Variants in TNFRSF11A observed in about 807,000 individuals in gnomAD.
TNFRSF11A encodes the protein tumor necrosis factor receptor superfamily member 11A.
Under a neutral mutation model 55.7 loss-of-function variants are expected in TNFRSF11A, and 32 were observed. That is an observed-to-expected ratio of 0.57 (90% confidence interval 0.43 to 0.77). The LOEUF (loss-of-function observed/expected upper bound fraction) is 0.77, where lower values mean the gene tolerates loss of function less well. TNFRSF11A is among the 30% of genes least tolerant of loss of function. The pLI is 0.00. For missense variants in TNFRSF11A, 753 were observed against 809.8 expected (o/e 0.93, Z 0.85); for synonymous variants, 311 against 331.0 (o/e 0.94, Z 0.65).
intron 9 of TNFRSF11A, among the ~76,000 whole-genome samples, chr18:62,380,471 CT>C: frequency 7.0e-6 from 1 of 143,468 alleles, no homozygotes; most frequent in African/African-American, 2.6e-5. Flanking sequence ...GAGTCTCACT[CT>C]GTCGCCCAGG....
intron 6 of TNFRSF11A, among the ~76,000 whole-genome samples, 177 bp downstream of exon 6, chr18:62,360,226 C>T (rs1331426985): frequency 1.3e-5 from 2 of 151,994 alleles, no homozygotes; most frequent in African/African-American, 4.8e-5. Context: ...TATGTTGTTT[C>T]CTTGATAATT....
intron 1 of TNFRSF11A, among the ~76,000 whole-genome samples, chr18:62,338,306 T>C (rs1231865552): frequency 1.3e-5 from 2 of 152,200 alleles, no homozygotes; most frequent in African/African-American, 4.8e-5. Context: ...TAGAATTAAC[T>C]TAGGATTCCT....
At chr18:62,336,679 T>C (rs966784675) in intron 1 of TNFRSF11A, 1 of 152,124 alleles carries the variant, frequency 6.6e-6, no homozygotes, top group African/African-American at 2.4e-5. Context: ...GAAATAGGGG[T>C]GCATCGTAAC....
intron 3 of TNFRSF11A, among the ~76,000 whole-genome samples, chr18:62,350,298 T>A (rs535318185): frequency 2.8e-4 from 42 of 152,318 alleles, no homozygotes; most frequent in African/African-American, 6.3e-4. Context: ...TTATTTATTT[T>A]TTTAATTTAT....
chr18:62,354,364 C>G (rs1396804040), intron 3 of TNFRSF11A, 27 bp from the exon 4 acceptor site: 1 of 1,547,456 alleles, frequency 6.5e-7, no homozygotes, highest in Non-Finnish European at 8.7e-7. Context: ...CCTCCCTGGC[C>G]ACTGACCTGT....
At chr18:62,372,697 T>C (rs1247527924) in intron 9 of TNFRSF11A, among the ~76,000 whole-genome samples, 11 of 152,214 alleles carry the variant, frequency 7.2e-5, no homozygotes, top group Admixed American at 6.5e-4. Flanking sequence ...GTGTCTATTG[T>C]TGCCTTCTTT....
rs578032573 is a variant in TNFRSF11A at position 62,390,706 on chromosome 18, T to C, written c.*5672T>C. 8.5e-5 allele frequency: 13 copies of C among 152,342 alleles called. No homozygotes were observed. Among genetic ancestry groups the C allele is most frequent in the African/African-American group, 3.1e-4 (13 of 41,598 alleles). 9.4% of individuals were successfully genotyped at this position (152,342 alleles called of 1,614,324 possible). A position where few individuals can be genotyped will look rare whatever the true frequency, so the allele number is the denominator to read the frequency against. Reference sequence around the variant, plus strand: ...GCAGCAGCAGTAAAACATCTTACCCTAAAATGAAGAAGCAAATCCATTTTT... The same window carrying C: ...GCAGCAGCAGTAAAACATCTTACCCCAAAATGAAGAAGCAAATCCATTTTT... On this transcript the variant is annotated 3_prime_UTR_variant, in exon 10 of 10. Transcript: ENST00000586569.
rs371734407 is a variant in TNFRSF11A, at chr18:62,342,401, C to CAAAAAAAAAAAAAAAAAAAAAAAA, written c.76-5766_76-5743dup. On this transcript the variant is annotated intron_variant, in intron 1 of 9. Transcript: ENST00000586569. ...TGGGTGACAGAGTGAGATTCTGTCTCAAAAAAAAAAAAAAAAAAAAAAAAT... is the reference window on the plus strand; with the variant it reads ...TGGGTGACAGAGTGAGATTCTGTCTCAAAAAAAAAAAAAAAAAAAAAAAAAAAAAAAAAAAAAAAAAAAAAAAAT... Among the ~76,000 whole-genome samples, 15 of 62,230 alleles carry CAAAAAAAAAAAAAAAAAAAAAAAA rather than the reference C, an allele frequency of 2.4e-4. 1 individual carries two copies. Among genetic ancestry groups the CAAAAAAAAAAAAAAAAAAAAAAAA allele is most frequent in the Non-Finnish European group, 3.8e-4 (11 of 29,008 alleles). The allele number at this position is 62,230 out of a possible 152,430, so 40.8% of individuals were successfully genotyped here.
At position 62,360,068 on chromosome 18, in the gene TNFRSF11A, T is replaced by C. The variant is rs1909562105; in HGVS notation, c.616+19T>C. 6.2e-7 allele frequency: 1 copy of C among 1,607,922 alleles called. No individual in the cohort carries two copies. Among genetic ancestry groups the C allele is most frequent in the African/African-American group, 1.3e-5 (1 of 74,768 alleles). ...CCAAATGGTATGTTTAAAAAGAGCC[T>C]GTTGGTTGATAGATGTGCCCCAGGG... is the stretch of plus-strand genomic sequence containing the variant. On this transcript the variant is annotated intron_variant, in intron 6 of 9. Transcript: ENST00000586569.
Position 62,371,126 on chromosome 18 carries a change from G to C in TNFRSF11A, c.1567+1642G>C, listed in dbSNP as rs112730785. Reference sequence around the variant, plus strand: ...ATTGCAGGCGTGAGCCACTGCACCTGGCCTGTTCTATTTCTTTTCTCTCAG... The same window carrying C: ...ATTGCAGGCGTGAGCCACTGCACCTCGCCTGTTCTATTTCTTTTCTCTCAG... On this transcript the variant is annotated intron_variant, in intron 9 of 9. Coordinates refer to ENST00000586569, the MANE Select transcript of TNFRSF11A (RefSeq NM_003839.4). 4.5e-3 allele frequency among the ~76,000 whole-genome samples: 688 copies of C among 152,290 alleles called. 5 individuals are homozygous for C. Among genetic ancestry groups the C allele is most frequent in the African/African-American group, 0.016 (667 of 41,544 alleles).
intron 7 of TNFRSF11A, among the ~76,000 whole-genome samples, chr18:62,366,438 A>G (rs1910091956): frequency 6.6e-6 from 1 of 152,362 alleles, no homozygotes; most frequent in South Asian, 2.1e-4. Context: ...TCTAATGTAC[A>G]GATGGGGACT....
intron 1 of TNFRSF11A, chr18:62,336,354 G>A (rs4524033): frequency 0.15 from 23,119 of 152,240 alleles, 2,388 homozygotes; most frequent in Middle Eastern, 0.27. Flanking sequence ...ATTTCACCCT[G>A]AAGGCTGGGC....
chr18:62,370,898 C>T (rs529564935), intron 9 of TNFRSF11A, among the ~76,000 whole-genome samples: 2 of 151,720 alleles, frequency 1.3e-5, no homozygotes, highest in African/African-American at 2.4e-5. Flanking sequence ...GGCGCGATCT[C>T]GGCTCATTGC....
At chr18:62,355,426 C>T (rs952687626) in intron 4 of TNFRSF11A, among the ~76,000 whole-genome samples, 9 of 152,080 alleles carry the variant, frequency 5.9e-5, no homozygotes, top group Non-Finnish European at 1.2e-4. Context: ...TACCGGGATG[C>T]ACCACCACGC....
At chr18:62,380,518 G>A (rs1911201263) in intron 9 of TNFRSF11A, among the ~76,000 whole-genome samples, 1 of 144,816 alleles carries the variant, frequency 6.9e-6, no homozygotes, top group African/African-American at 2.6e-5. Flanking sequence ...CTCACTGCAA[G>A]CTCCGCCTCC....
At chr18:62,375,995 A>G (rs1443058072) in intron 9 of TNFRSF11A, among the ~76,000 whole-genome samples, 1 of 152,122 alleles carries the variant, frequency 6.6e-6, no homozygotes, top group Non-Finnish European at 1.5e-5. Context: ...AGTGATGCTG[A>G]TTTCATTTAT....
chr18:62,365,747 C>G (rs986521293), intron 7 of TNFRSF11A, among the ~76,000 whole-genome samples: 1 of 152,162 alleles, frequency 6.6e-6, no homozygotes, highest in Non-Finnish European at 1.5e-5. Context: ...TTGCATAGAA[C>G]AGGAAGTTCT....
At chr18:62,384,649 A>T in intron 9 of TNFRSF11A, 102 bp from the exon 10 acceptor site, 1 of 1,411,956 alleles carries the variant, frequency 7.1e-7, no homozygotes, top group Non-Finnish European at 9.8e-7. Flanking sequence ...GGCTGTGGGA[A>T]TCCGGGGAGC....
intron 1 of TNFRSF11A, among the ~76,000 whole-genome samples, chr18:62,326,461 A>G (rs922833928): frequency 6.6e-6 from 1 of 152,242 alleles, no homozygotes; most frequent in Non-Finnish European, 1.5e-5. Flanking sequence ...CGAAGGCGGA[A>G]AAGTCTAAAG....
Sources: gnomAD v4.1 joint callset for allele counts (sites outside exome capture counted in the v4.1 genomes callset) on GRCh38, gnomAD v4.1.1 for gene constraint, MANE v1.5 for transcripts, NCBI Gene and HGNC (gene_info 2026-07-23, HGNC 2026-07-21) for gene names.